Variants in NUBP1 observed in about 807,000 individuals in gnomAD.
The protein encoded by NUBP1 is cytosolic Fe-S cluster assembly factor NUBP1.
A neutral mutation model predicts 41.8 loss-of-function variants in NUBP1; 46 were observed. The observed-to-expected ratio is 1.10, with a 90% CI of 0.87 to 1.41. The LOEUF is 1.41. Ranked by LOEUF, NUBP1 falls within the 40% of genes most tolerant of loss-of-function variation. NUBP1 has a pLI of 0.00. For synonymous variants in NUBP1, 189 were observed against 154.6 expected (o/e 1.22, Z -1.65); for missense variants, 494 against 414.0 (o/e 1.19, Z -1.68).
chr16:10,757,223 C>T lies in NUBP1; in HGVS notation c.451+443C>T, dbSNP rs186307608. Among the ~76,000 whole-genome samples, 4 of 152,100 alleles carry T rather than the reference C, an allele frequency of 2.6e-5. No individual in the cohort carries two copies. Among genetic ancestry groups the T allele is most frequent in the Admixed American group, 1.3e-4 (2 of 15,286 alleles). The stretch of plus-strand genomic sequence containing the variant: ...GGCTGAGGCAGGAGAACCCAGGAGG[C>T]GGAGGTTGCAGTGAGCCAAGATCAT... On this transcript the variant is annotated intron_variant, in intron 6 of 10. Coordinates refer to ENST00000283027, the MANE Select transcript of NUBP1 (RefSeq NM_002484.4). The surrounding 1 kb of genome is among the most constrained non-coding windows in gnomAD (Gnocchi z 4.1).
At chr16:10,751,698 G>A (rs1900327203) in intron 3 of NUBP1, among the ~76,000 whole-genome samples, 1 of 152,210 alleles carries the variant, frequency 6.6e-6, no homozygotes, top group South Asian at 2.1e-4. Flanking sequence ...GTCGCCTGAA[G>A]CTGCACCTGA....
chr16:10,758,198 C>T (rs1308507690), intron 7 of NUBP1, among the ~76,000 whole-genome samples, 171 bp downstream of exon 7: 1 of 152,180 alleles, frequency 6.6e-6, no homozygotes, highest in Non-Finnish European at 1.5e-5. Flanking sequence ...TCAGCCAGCA[C>T]AGTGATTCAC....
Position 10,767,727 on chromosome 16 carries a change from G to A in NUBP1, c.821-222G>A. 1 of 576,562 alleles carries A rather than the reference G, an allele frequency of 1.7e-6. No individual in the cohort carries two copies. Among genetic ancestry groups the A allele is most frequent in the South Asian group, 2.1e-5 (1 of 48,698 alleles). 35.7% of individuals were successfully genotyped at this position (576,562 alleles called of 1,614,324 possible). A position where few individuals can be genotyped will look rare whatever the true frequency, so the allele number is the denominator to read the frequency against. ...TAGGGCCCTGGAACCTGCATTTTCT[G>A]TACACCACCTGATTATTTAGCCACG... On this transcript the variant is annotated intron_variant, in intron 9 of 10. Transcript: ENST00000283027. This position sits in a 1 kb window ranked among gnomAD's most constrained non-coding sequence, Gnocchi z 4.6.
rs1367476654 is a variant in NUBP1, at chr16:10,759,276, G to A, written c.606+1249G>A. ...TACAGCCAATGGAGTGGCAGGCCCA[G>A]CGGCCATGGGAAGGGTGTCCGGGTC... is the stretch of plus-strand genomic sequence containing the variant. On this transcript the variant is annotated intron_variant, in intron 7 of 10. Coordinates refer to ENST00000283027, the MANE Select transcript of NUBP1 (RefSeq NM_002484.4). The surrounding 1 kb of genome is among the most constrained non-coding windows in gnomAD (Gnocchi z 4.7). Among the ~76,000 whole-genome samples, 5 of 152,180 alleles carry A rather than the reference G, an allele frequency of 3.3e-5. No individual in the cohort carries two copies. The highest frequency in any genetic ancestry group is 5.9e-5 in the Non-Finnish European group (4 of 68,044).
At position 10,759,234 on chromosome 16, in the gene NUBP1, G is replaced by A. The variant is rs898392427; in HGVS notation, c.606+1207G>A. ...TGGCTCCCTGAGGAACACAGGTGCT[G>A]GACACAGGGATGAGGGTACAGCCAA... On this transcript the variant is annotated intron_variant, in intron 7 of 10. Coordinates refer to ENST00000283027, the MANE Select transcript of NUBP1 (RefSeq NM_002484.4). This position sits in a 1 kb window ranked among gnomAD's most constrained non-coding sequence, Gnocchi z 4.7. Among the ~76,000 whole-genome samples, 1 of 152,218 alleles carries A rather than the reference G, an allele frequency of 6.6e-6. No individual in the cohort carries two copies. The highest frequency in any genetic ancestry group is 1.9e-4 in the East Asian group (1 of 5,198).
In NUBP1 at chr16:10,744,064, G is replaced by C. The variant is rs778997372; in HGVS notation, c.123G>C (p.Thr41=). 1 of 1,576,976 alleles carries C rather than the reference G, an allele frequency of 6.3e-7. No individual in the cohort carries two copies. Among genetic ancestry groups the C allele is most frequent in the African/African-American group, 1.4e-5 (1 of 73,036 alleles). ...CTGGAGCGGGGGCCACTCCGGACAC[G>C]GGTGAGAAAAGGGCAAGGCCTCAAC... is the stretch of plus-strand genomic sequence containing the variant. The part of the protein sequence containing the change: ...CASGAGATPD[T]AIEEIKEKMK... Residue 41 remains threonine (T), a splice_region_variant and synonymous_variant, in exon 2 of 11, where the codon ACG becomes ACC. Transcript: ENST00000283027.
Position 10,767,857 on chromosome 16 carries a change from C to A in NUBP1, c.821-92C>A. On this transcript the variant is annotated intron_variant, in intron 9 of 10. Coordinates refer to ENST00000283027, the MANE Select transcript of NUBP1 (RefSeq NM_002484.4). The surrounding 1 kb of genome is among the most constrained non-coding windows in gnomAD (Gnocchi z 4.6). ...GAGTGAAGCGGGCTCAAGATCTTCC[C>A]ATTGTCACCAGCACGGAAAGAGCCC... The A allele has an allele frequency of 8.5e-7, 1 of 1,173,882 alleles. No individual in the cohort carries two copies. 72.7% of individuals were successfully genotyped at this position (1,173,882 alleles called of 1,614,324 possible).
intron 7 of NUBP1, chr16:10,760,833 T>C (rs967475412): frequency 3.2e-5 from 5 of 154,592 alleles, no homozygotes; most frequent in African/African-American, 9.6e-5. Flanking sequence ...CACTAGTAGG[T>C]ACTAAATAAA....
At position 10,767,486 on chromosome 16, in the gene NUBP1, G is replaced by A. The variant is rs1223356630; in HGVS notation, c.821-463G>A. 3.7e-5 allele frequency: 13 copies of A among 351,102 alleles called. No individual in the cohort carries two copies. Among genetic ancestry groups the A allele is most frequent in the South Asian group, 1.4e-4 (1 of 7,080 alleles). 21.7% of individuals were successfully genotyped at this position (351,102 alleles called of 1,614,324 possible). On this transcript the variant is annotated intron_variant, in intron 9 of 10. Coordinates refer to ENST00000283027, the MANE Select transcript of NUBP1 (RefSeq NM_002484.4). The surrounding 1 kb of genome is among the most constrained non-coding windows in gnomAD (Gnocchi z 4.6). Reference sequence around the variant, plus strand: ...TATGAGAGTGTGTGTATGTGTGTGCGCACACATGCAAGTGTGCACATTTAT... The same window carrying A: ...TATGAGAGTGTGTGTATGTGTGTGCACACACATGCAAGTGTGCACATTTAT...
chr16:10,768,960 C>G lies in NUBP1; in HGVS notation c.905-87C>G, dbSNP rs779536204. 57 of 1,230,084 alleles carry G rather than the reference C, an allele frequency of 4.6e-5. 1 individual carries two copies. Among genetic ancestry groups the G allele is most frequent in the Admixed American group, 3.8e-4 (21 of 55,064 alleles). 76.2% of individuals were successfully genotyped at this position (1,230,084 alleles called of 1,614,324 possible). A position where few individuals can be genotyped will look rare whatever the true frequency, so the allele number is the denominator to read the frequency against. On this transcript the variant is annotated intron_variant, in intron 10 of 10. Coordinates refer to ENST00000283027, the MANE Select transcript of NUBP1 (RefSeq NM_002484.4). The surrounding 1 kb of genome is among the most constrained non-coding windows in gnomAD (Gnocchi z 4.3). ...ACTAGCCAGAGGATTCCACCCCTGT[C>G]AAAACACAGCCCTCCCCAGCACAGG...
rs866565194 is a variant in NUBP1, at chr16:10,761,311, A to T, written c.607-53A>T. The T allele has an allele frequency of 2.8e-5, 43 of 1,544,766 alleles. No individual in the cohort carries two copies. The Middle Eastern group carries it at 4.7e-3, about 169-fold the overall frequency. ...CAGCCATCCCCTCGGTTGCACAGAC[A>T]TTCCCTTTCTCGCACTTTGATGCTG... On this transcript the variant is annotated intron_variant, in intron 7 of 10. Transcript: ENST00000283027.
chr16:10,754,384 A>G (rs1244810525), intron 4 of NUBP1, among the ~76,000 whole-genome samples: 1 of 152,018 alleles, frequency 6.6e-6, no homozygotes, highest in East Asian at 1.9e-4. Flanking sequence ...CTGGCATTAC[A>G]GACACACGCC....
intron 5 of NUBP1, 133 bp from the exon 6 acceptor site, chr16:10,756,557 C>T: frequency 1.9e-6 from 1 of 539,354 alleles, no homozygotes; most frequent in Non-Finnish European, 3.2e-6. Context: ...AGTGAATATG[C>T]TCATAGGTCA....
intron 3 of NUBP1, among the ~76,000 whole-genome samples, chr16:10,747,588 T>C (rs188830267): frequency 1.2e-3 from 184 of 152,338 alleles, no homozygotes; most frequent in African/African-American, 4.2e-3. Flanking sequence ...TGAGTCAAGA[T>C]TGTACCAGTG....
chr16:10,744,040 T>G lies in NUBP1; in HGVS notation c.99T>G (p.Ser33=), dbSNP rs1307014574. 1.9e-6 allele frequency: 3 copies of G among 1,579,864 alleles called. 1 individual carries two copies. The highest frequency in any genetic ancestry group is 2.6e-6 in the Non-Finnish European group (3 of 1,168,826). Residue 33 remains serine, a synonymous_variant, in exon 2 of 11, where the codon TCT becomes TCG. Coordinates refer to ENST00000283027, the MANE Select transcript of NUBP1 (RefSeq NM_002484.4). ...QGCPNQRLCA[S]GAGATPDTAI... is the part of the protein sequence containing the mutation. ...GCCCCAACCAGCGGCTGTGCGCTTC[T>G]GGAGCGGGGGCCACTCCGGACACGG...
At chr16:10,750,842 C>T (rs1285699819) in intron 3 of NUBP1, among the ~76,000 whole-genome samples, 1 of 152,182 alleles carries the variant, frequency 6.6e-6, no homozygotes, top group Non-Finnish European at 1.5e-5. Context: ...GCTTTGGGTC[C>T]CGACAGCCTT....
rs57374514 is a variant in NUBP1, at chr16:10,765,349, A to AT, written c.821-2600_821-2599insT. ...TCTTAAAAAAAAAAAAAAAAAAAAA[A>AT]GGAAAAAATTCACCCAGTGTGGTGG... On this transcript the variant is annotated intron_variant, in intron 9 of 10. Transcript: ENST00000283027. The surrounding 1 kb of genome is among the most constrained non-coding windows in gnomAD (Gnocchi z 4.0). 6.9e-6 allele frequency among the ~76,000 whole-genome samples: 1 copy of AT among 144,510 alleles called. No homozygotes were observed. Among genetic ancestry groups the AT allele is most frequent in the South Asian group, 2.1e-4 (1 of 4,662 alleles). 94.8% of individuals were successfully genotyped at this position (144,510 alleles called of 152,430 possible). A position where few individuals can be genotyped will look rare whatever the true frequency, so the allele number is the denominator to read the frequency against.
At position 10,759,016 on chromosome 16, in the gene NUBP1, C is replaced by T. The variant is rs752436591; in HGVS notation, c.606+989C>T. On this transcript the variant is annotated intron_variant, in intron 7 of 10. Coordinates refer to ENST00000283027, the MANE Select transcript of NUBP1 (RefSeq NM_002484.4). This position sits in a 1 kb window ranked among gnomAD's most constrained non-coding sequence, Gnocchi z 4.7. ...GGGCTCTTCTCCATCTCCACAGTTACGCCTGACTTCTCTTCATGACGTTCT... is the reference window on the plus strand; with the variant it reads ...GGGCTCTTCTCCATCTCCACAGTTATGCCTGACTTCTCTTCATGACGTTCT... Among the ~76,000 whole-genome samples the T allele has an allele frequency of 2.6e-5, 4 of 152,174 alleles. No homozygotes were observed. The highest frequency in any genetic ancestry group is 6.5e-5 in the Admixed American group (1 of 15,292).
chr16:10,754,944 C>T (rs970154822), intron 4 of NUBP1, among the ~76,000 whole-genome samples: 1 of 152,108 alleles, frequency 6.6e-6, no homozygotes, highest in African/African-American at 2.4e-5. Context: ...ACCTGGGAGG[C>T]TAAGGCAGGA....
Sources: gnomAD v4.1 joint callset for allele counts (sites outside exome capture counted in the v4.1 genomes callset) on GRCh38, gnomAD v4.1.1 for gene constraint, Gnocchi (gnomAD v3.1) non-coding constraint, MANE v1.5 for transcripts, NCBI Gene and HGNC (gene_info 2026-07-23, HGNC 2026-07-21) for gene names.